Variants in PPFIBP1 observed in about 807,000 individuals in gnomAD.
PPFIBP1 encodes the protein liprin-beta-1.
A neutral mutation model predicts 137.8 loss-of-function variants in PPFIBP1; 112 were observed. That is an observed-to-expected ratio of 0.81 (90% CI 0.70 to 0.95). PPFIBP1 has a LOEUF of 0.95. Among genes scored for constraint, PPFIBP1 ranks in the 40% least tolerant of loss-of-function variants. PPFIBP1 has a pLI of 0.00. For synonymous variants in PPFIBP1, 378 were observed against 417.3 expected, an observed-to-expected ratio of 0.91 and a Z score of 1.15; for missense variants, 1,083 against 1,196.6, an observed-to-expected ratio of 0.91 and a Z score of 1.40.
At chr12:27,678,276 A>G (rs1021020467) in intron 19 of PPFIBP1, among the ~76,000 whole-genome samples, 10 of 152,336 alleles carry the variant, frequency 6.6e-5, no homozygotes, top group African/African-American at 1.9e-4. Context: ...GAAATAGTTA[A>G]TGCTTGGAGA....
intron 2 of PPFIBP1, among the ~76,000 whole-genome samples, chr12:27,605,902 T>C (rs2054477450): frequency 6.6e-6 from 1 of 152,230 alleles, no homozygotes; most frequent in South Asian, 2.1e-4. Flanking sequence ...GAAATGCAAT[T>C]TGATAATTCC....
chr12:27,635,427 C>T (rs751990707), intron 4 of PPFIBP1: 8 of 510,220 alleles, frequency 1.6e-5, no homozygotes, highest in Non-Finnish European at 2.4e-5. Flanking sequence ...GAATCTTGCA[C>T]ATGATAGATG....
intron 1 of PPFIBP1, among the ~76,000 whole-genome samples, chr12:27,541,437 C>T (rs899034171): frequency 6.6e-6 from 1 of 152,152 alleles, no homozygotes; most frequent in East Asian, 1.9e-4. Flanking sequence ...GCTTGCTGAG[C>T]GAGCTGTGAC....
intron 1 of PPFIBP1, among the ~76,000 whole-genome samples, chr12:27,540,941 A>G (rs1191646866): frequency 6.6e-6 from 1 of 152,190 alleles, no homozygotes; most frequent in Admixed American, 6.5e-5. Flanking sequence ...AGTTGCTGCA[A>G]ATATTTTCAC....
At chr12:27,549,873 C>T (rs1262955660) in intron 1 of PPFIBP1, among the ~76,000 whole-genome samples, 1 of 152,140 alleles carries the variant, frequency 6.6e-6, no homozygotes, top group East Asian at 1.9e-4. Flanking sequence ...TGCTATTTGG[C>T]TGTTTTGAAG....
intron 2 of PPFIBP1, chr12:27,593,754 A>T: frequency 1.4e-6 from 1 of 702,506 alleles, no homozygotes; most frequent in Non-Finnish European, 2.3e-6. Context: ...GTCAGAGCCA[A>T]CGTCCATGTC....
chr12:27,561,036 GT>G (rs778431524), intron 1 of PPFIBP1, among the ~76,000 whole-genome samples: 21 of 152,048 alleles, frequency 1.4e-4, no homozygotes, highest in Non-Finnish European at 2.6e-4. Flanking sequence ...CAGAATAACA[GT>G]AAAAAGTCTG....
At chr12:27,618,499 A>G (rs1389992369) in intron 2 of PPFIBP1, among the ~76,000 whole-genome samples, 4 of 152,220 alleles carry the variant, frequency 2.6e-5, no homozygotes, top group Non-Finnish European at 5.9e-5. Context: ...CTTAACCCAG[A>G]CATCCCTTTC....
chr12:27,579,820 T>C (rs1449750115), intron 2 of PPFIBP1, among the ~76,000 whole-genome samples: 2 of 152,200 alleles, frequency 1.3e-5, no homozygotes, highest in Non-Finnish European at 2.9e-5. Flanking sequence ...ATTTGTCTGC[T>C]TCAATGTGAT....
At chr12:27,676,626 C>A in intron 18 of PPFIBP1, 27 bp downstream of exon 18, 1 of 1,507,306 alleles carries the variant, frequency 6.6e-7, no homozygotes, top group Non-Finnish European at 9.0e-7. Context: ...TGCCTTTGCC[C>A]TAATTCTTCC....
At chr12:27,670,800 T>A (rs866396994) in intron 13 of PPFIBP1, among the ~76,000 whole-genome samples, 11 of 148,204 alleles carry the variant, frequency 7.4e-5, no homozygotes, top group Middle Eastern at 3.5e-3. Flanking sequence ...AAAAAAATAA[T>A]AATAATAATA....
intron 1 of PPFIBP1, among the ~76,000 whole-genome samples, chr12:27,528,330 A>G (rs138340549): frequency 2.6e-5 from 4 of 152,308 alleles, no homozygotes; most frequent in African/African-American, 9.6e-5. Context: ...GGATAACTTC[A>G]CAATTAAATC....
At chr12:27,592,467 A>C in intron 2 of PPFIBP1, 1 of 1,050,222 alleles carries the variant, frequency 9.5e-7, no homozygotes, top group Non-Finnish European at 1.4e-6. Context: ...TCTATATAGG[A>C]TGTCCTAATT....
intron 4 of PPFIBP1, among the ~76,000 whole-genome samples, chr12:27,645,090 T>A (rs1443426100): frequency 6.6e-6 from 1 of 152,234 alleles, no homozygotes; most frequent in Non-Finnish European, 1.5e-5. Context: ...TTTTTCTGGT[T>A]CTAAATCTGA....
intron 1 of PPFIBP1, among the ~76,000 whole-genome samples, chr12:27,570,159 A>T (rs1304039028): frequency 6.6e-6 from 1 of 152,154 alleles, no homozygotes; most frequent in Admixed American, 6.5e-5. Context: ...AATTTTCACC[A>T]TATATTTATT....
chr12:27,680,279 A>C (rs1200687274), intron 21 of PPFIBP1, among the ~76,000 whole-genome samples: 2 of 152,248 alleles, frequency 1.3e-5, no homozygotes, highest in East Asian at 3.8e-4. Context: ...CCAGAGCTAA[A>C]GTGTCAGCAG....
rs1314948362 is a variant in PPFIBP1, at chr12:27,671,692, T to G, written c.1262+146T>G. 5.6e-6 allele frequency: 3 copies of G among 533,378 alleles called. No homozygotes were observed. The African/African-American group carries it at 6.0e-5, about 11-fold the overall frequency. The allele number at this position is 533,378 out of a possible 1,614,324, so 33.0% of individuals were successfully genotyped here. A position where few individuals can be genotyped will look rare whatever the true frequency, so the allele number is the denominator to read the frequency against. On this transcript the variant is annotated intron_variant, in intron 14 of 29. Coordinates refer to ENST00000228425, the MANE Select transcript of PPFIBP1 (RefSeq NM_003622.4). The stretch of plus-strand genomic sequence containing the variant: ...TGTCCACTGGGGGATCTGTAATCAG[T>G]TCTGTATTATGGAAATAAAAGGTGT...
intron 21 of PPFIBP1, 129 bp downstream of exon 21, chr12:27,680,190 C>A: frequency 7.8e-7 from 1 of 1,290,150 alleles, no homozygotes; most frequent in Non-Finnish European, 1.1e-6. Flanking sequence ...TGAAAGGGGC[C>A]ATCATCTTTA....
At chr12:27,588,154 G>A (rs1386920340) in intron 2 of PPFIBP1, among the ~76,000 whole-genome samples, 3 of 152,160 alleles carry the variant, frequency 2.0e-5, no homozygotes, top group African/African-American at 7.2e-5. Flanking sequence ...CTCTTCAGAA[G>A]GTGCATGATA....
Sources: gnomAD v4.1 joint callset for allele counts (sites outside exome capture counted in the v4.1 genomes callset) on GRCh38, gnomAD v4.1.1 for gene constraint, MANE v1.5 for transcripts, NCBI Gene and HGNC (gene_info 2026-07-23, HGNC 2026-07-21) for gene names.